Variants in NAV1 observed in about 807,000 individuals in gnomAD.
The protein encoded by NAV1 is pore membrane and/or filament interacting like protein 3.
NAV1 carries 18 observed loss-of-function variants against 175.2 expected under a neutral mutation model. The ratio of observed to expected loss-of-function variants is 0.10; its 90% CI spans 0.07 to 0.15. The LOEUF is 0.15. Among genes scored for constraint, NAV1 ranks in the 10% least tolerant of loss-of-function variants. NAV1 has a pLI of 1.00. For missense variants in NAV1, 1,731 were observed against 2,436.6 expected, an observed-to-expected ratio of 0.71 and a Z score of 6.10; for synonymous variants, 897 against 978.7, an observed-to-expected ratio of 0.92 and a Z score of 1.56.
At chr1:201,722,938 C>T (rs903832090) in intron 3 of NAV1, among the ~76,000 whole-genome samples, 7 of 152,142 alleles carry the variant, frequency 4.6e-5, no homozygotes, top group East Asian at 1.9e-4. Flanking sequence ...GGGGTGAAAC[C>T]CCATCTCTAC....
intron 1 of NAV1, among the ~76,000 whole-genome samples, chr1:201,711,111 T>A (rs910809105): frequency 9.9e-5 from 15 of 152,224 alleles, no homozygotes; most frequent in Admixed American, 5.2e-4. Context: ...AGGTGACACT[T>A]GCCAGGATAA....
intron 3 of NAV1, among the ~76,000 whole-genome samples, chr1:201,771,739 G>A (rs1317301058): frequency 6.6e-6 from 1 of 152,158 alleles, no homozygotes; most frequent in African/African-American, 2.4e-5. Flanking sequence ...ATAGTCAATA[G>A]AAGCAGATCC....
At chr1:201,663,414 C>T (rs1669690094) in intron 1 of NAV1, among the ~76,000 whole-genome samples, 1 of 152,132 alleles carries the variant, frequency 6.6e-6, no homozygotes, top group Non-Finnish European at 1.5e-5. Context: ...AAGGTGAAAA[C>T]TGGCCATGTC....
In NAV1 at chr1:201,808,729, G is replaced by A. The variant is rs1277615553; in HGVS notation, c.4065G>A (p.Glu1355=). ...TGGAGGTGGACCTGCTGAAAGCAGA[G>A]AATGACCGACTGAAGGTAGCCCCAG... Residue 1355 remains glutamate (E), a synonymous_variant, in exon 20 of 30, where the codon GAG becomes GAA. Coordinates refer to ENST00000367296, the Ensembl canonical transcript of NAV1. This position sits in a 1 kb window ranked among gnomAD's most constrained non-coding sequence, Gnocchi z 5.5. The A allele has an allele frequency of 3.1e-6, 5 of 1,614,110 alleles. No individual in the cohort carries two copies. The African/African-American group carries it at 5.3e-5, about 17-fold the overall frequency.
At chr1:201,650,520 G>A (rs1422346199) in intron 1 of NAV1, among the ~76,000 whole-genome samples, 3 of 152,202 alleles carry the variant, frequency 2.0e-5, no homozygotes, top group East Asian at 3.9e-4. Context: ...CCGGCAGGCT[G>A]CCCGCCCGCT....
intron 1 of NAV1, among the ~76,000 whole-genome samples, chr1:201,548,304 C>A (rs1665726523): frequency 6.6e-6 from 1 of 152,218 alleles, no homozygotes; most frequent in South Asian, 2.1e-4. Flanking sequence ...ACTGCCAAGG[C>A]AGGAGGATTT....
chr1:201,763,880 G>T (rs780420362), intron 3 of NAV1, among the ~76,000 whole-genome samples: 22 of 152,154 alleles, frequency 1.4e-4, no homozygotes, highest in Non-Finnish European at 1.3e-4. Flanking sequence ...TGTTTGCAGG[G>T]CTGAATACTT....
At chr1:201,617,144 G>A (rs1668024447) in intron 2 of NAV1, among the ~76,000 whole-genome samples, 1 of 152,032 alleles carries the variant, frequency 6.6e-6, no homozygotes, top group Non-Finnish European at 1.5e-5. Context: ...TACTTAGAAG[G>A]AGAAAGAACA....
intron 13 of NAV1, chr1:201,793,496 T>G (rs1677238659): frequency 1.4e-5 from 5 of 354,858 alleles, no homozygotes; most frequent in Non-Finnish European, 2.1e-5. Context: ...AGCAGAGGGA[T>G]AGTCCTACCT....
At chr1:201,617,888 A>G (rs532186307) in intron 2 of NAV1, among the ~76,000 whole-genome samples, 2 of 152,348 alleles carry the variant, frequency 1.3e-5, no homozygotes, top group African/African-American at 4.8e-5. Context: ...ATGAGGCAGT[A>G]GAGAGTGAGA....
Position 201,788,608 on chromosome 1 carries a change from T to A in NAV1, c.3136T>A (p.Ser1046Thr), listed in dbSNP as rs758281525. ...CGAGAGACCCAAGGGAATGATTCGG[T>A]CAGGATCCTTCCGAGACCCCACGGA... The change falls in exon 10 of 30, where the codon TCA (serine) becomes ACA (threonine). Residue 1046 changes from serine to threonine, a missense_variant. Physicochemically the swap from Ser to Thr is moderately conservative, Grantham distance 58 (BLOSUM62 1). Coordinates refer to ENST00000367296, the Ensembl canonical transcript of NAV1. This position sits in a 1 kb window ranked among gnomAD's most constrained non-coding sequence, Gnocchi z 5.7. 6.2e-7 allele frequency: 1 copy of A among 1,613,892 alleles called. No individual in the cohort carries two copies. The highest frequency in any genetic ancestry group is 8.5e-7 in the Non-Finnish European group (1 of 1,179,908).
intron 1 of NAV1, among the ~76,000 whole-genome samples, chr1:201,665,415 C>A (rs1385297058): frequency 6.6e-6 from 1 of 152,152 alleles, no homozygotes; most frequent in Admixed American, 6.5e-5. Flanking sequence ...AATCAGCTGC[C>A]TTTGCTGAGG....
chr1:201,804,601 AAT>A (rs199751852), intron 17 of NAV1, 104 bp downstream of exon 21: 14,037 of 832,266 alleles, frequency 0.017, 345 homozygotes, highest in East Asian at 0.021. Flanking sequence ...AAAAAAAAAA[AAT>A]GAATGACCAC....
chr1:201,549,091 CT>C (rs1553236485), intron 1 of NAV1, among the ~76,000 whole-genome samples: 2 of 128,562 alleles, frequency 1.6e-5, no homozygotes, highest in Non-Finnish European at 3.6e-5. Flanking sequence ...TTCTTTCTTT[CT>C]TTCTTTCTTT....
At chr1:201,642,526 TTTC>T (rs1448836511) in intron 2 of NAV1, among the ~76,000 whole-genome samples, 1 of 69,388 alleles carries the variant, frequency 1.4e-5, no homozygotes, top group African/African-American at 9.8e-5. Flanking sequence ...TCTTTCTTTT[TTTC>T]TTTCTTTCTT....
intron 3 of NAV1, among the ~76,000 whole-genome samples, chr1:201,744,663 G>A (rs1673656100): frequency 6.6e-6 from 1 of 152,170 alleles, no homozygotes. Context: ...TACTTTGAGT[G>A]GTCCTGGAGA....
chr1:201,557,779 T>A (rs1666074170), intron 1 of NAV1, among the ~76,000 whole-genome samples: 1 of 152,130 alleles, frequency 6.6e-6, no homozygotes, highest in Non-Finnish European at 1.5e-5. Flanking sequence ...TTTGTTCCAA[T>A]AGGAGTGGAA....
At chr1:201,800,790 A>C (rs1677805234) in intron 15 of NAV1, among the ~76,000 whole-genome samples, 1 of 131,604 alleles carries the variant, frequency 7.6e-6, no homozygotes, top group African/African-American at 2.7e-5. Context: ...ACAAATAAAG[A>C]TTTTTTTTAA....
Position 201,810,180 on chromosome 1 carries a change from A to T in NAV1, c.4561+75A>T, listed in dbSNP as rs1678601313. ...AGGATCATCAAATAATCCATCATGC[A>T]TTCATTCACCAAGAACTCACTGAGA... On this transcript the variant is annotated intron_variant, in intron 23 of 29. Transcript: ENST00000367296. This position sits in a 1 kb window ranked among gnomAD's most constrained non-coding sequence, Gnocchi z 6.0. The T allele has an allele frequency of 6.4e-7, 1 of 1,553,422 alleles. No individual in the cohort carries two copies. Among genetic ancestry groups the T allele is most frequent in the Non-Finnish European group, 8.8e-7 (1 of 1,139,320 alleles).
Sources: gnomAD v4.1 joint callset for allele counts (sites outside exome capture counted in the v4.1 genomes callset) on GRCh38, gnomAD v4.1.1 for gene constraint, Gnocchi (gnomAD v3.1) non-coding constraint, MANE v1.5 for transcripts, NCBI Gene and HGNC (gene_info 2026-07-23, HGNC 2026-07-21) for gene names.